The following RPRD1B variants were observed in gnomAD, a reference collection of about 807,000 sequenced individuals.
The protein encoded by RPRD1B is regulation of nuclear pre-mRNA domain-containing protein 1B.
RPRD1B carries 11 observed loss-of-function variants against 41.5 expected under a neutral mutation model. That is an observed-to-expected ratio of 0.27 (90% CI 0.17 to 0.44). The LOEUF is 0.44. RPRD1B is among the 20% of genes least tolerant of loss of function. RPRD1B has a pLI of 1.00. For missense variants in RPRD1B, 248 were observed against 389.9 expected, an observed-to-expected ratio of 0.64 and a Z score of 3.06; for synonymous variants, 158 against 155.6, an observed-to-expected ratio of 1.02 and a Z score of -0.12.
Position 38,080,986 on chromosome 20 carries a change from T to C in RPRD1B, c.832-8740T>C, listed in dbSNP as rs920187163. ...TTGTTCTTTTTGCTTAGGATTGCTT[T>C]GGCTATTTGGGCTTTTTATTGGCTC... On this transcript the variant is annotated intron_variant, in intron 6 of 6. Coordinates refer to ENST00000373433, the MANE Select transcript of RPRD1B (RefSeq NM_021215.4). 2.0e-5 allele frequency among the ~76,000 whole-genome samples: 3 copies of C among 152,254 alleles called. No individual in the cohort carries two copies. The South Asian group carries it at 6.2e-4, about 32-fold the overall frequency.
At chr20:38,078,227 G>A (rs2074482737) in intron 6 of RPRD1B, among the ~76,000 whole-genome samples, 1 of 150,728 alleles carries the variant, frequency 6.6e-6, no homozygotes, top group South Asian at 2.1e-4. Flanking sequence ...TGTGCCCTAT[G>A]ACTTGGCCCC....
chr20:38,042,264 G>A (rs1380972526), intron 2 of RPRD1B, among the ~76,000 whole-genome samples: 1 of 152,068 alleles, frequency 6.6e-6, no homozygotes, highest in East Asian at 1.9e-4. Context: ...TGAGGCAGGG[G>A]GATTGCTTGA....
At chr20:38,062,822 G>T (rs1040441517) in intron 5 of RPRD1B, among the ~76,000 whole-genome samples, 1 of 64,580 alleles carries the variant, frequency 1.5e-5, no homozygotes, top group Non-Finnish European at 2.9e-5. Context: ...CAAATTAAAA[G>T]CCAGAGCCCC....
intron 3 of RPRD1B, chr20:38,049,753 A>T (rs1328954500): frequency 2.1e-6 from 1 of 471,056 alleles, no homozygotes; most frequent in East Asian, 6.9e-5. Context: ...TTGGCATGAC[A>T]TGTTTCTTAG....
At chr20:38,069,889 C>A (rs12626173) in intron 6 of RPRD1B, among the ~76,000 whole-genome samples, 1 of 152,098 alleles carries the variant, frequency 6.6e-6, no homozygotes, top group African/African-American at 2.4e-5. Context: ...GCAGGTCTCC[C>A]AAAGTTTGCT....
rs1484944521 is a variant in RPRD1B at position 38,057,657 on chromosome 20, C to T, written c.528+13C>T. On this transcript the variant is annotated intron_variant, in intron 4 of 6. Transcript: ENST00000373433. ...AGGACCCCTCTTGGTAGGTCTTGAC[C>T]CCCAGAGAGTAGGGAACAGTGGCTT... The T allele has an allele frequency of 4.5e-6, 7 of 1,572,530 alleles. No individual in the cohort carries two copies. Among genetic ancestry groups the T allele is most frequent in the Non-Finnish European group, 5.3e-6 (6 of 1,142,302 alleles).
chr20:38,039,408 T>C (rs1388373251), intron 1 of RPRD1B, among the ~76,000 whole-genome samples: 1 of 136,352 alleles, frequency 7.3e-6, no homozygotes. Context: ...ACAAGAAACC[T>C]TTTTTTTTTT....
chr20:38,041,943 T>C (rs1453232329), intron 2 of RPRD1B, among the ~76,000 whole-genome samples: 2 of 152,216 alleles, frequency 1.3e-5, no homozygotes, highest in African/African-American at 4.8e-5. Context: ...GTTATGTAGC[T>C]TGAAGGAATA....
chr20:38,055,220 A>G (rs2074226753), intron 3 of RPRD1B, among the ~76,000 whole-genome samples: 1 of 152,266 alleles, frequency 6.6e-6, no homozygotes, highest in African/African-American at 2.4e-5. Context: ...TGCTGTAACA[A>G]CAAATTAGAA....
At chr20:38,059,198 A>T (rs535025502) in intron 4 of RPRD1B, among the ~76,000 whole-genome samples, 196 bp from the exon 5 acceptor site, 5 of 152,356 alleles carry the variant, frequency 3.3e-5, no homozygotes, top group African/African-American at 1.2e-4. Flanking sequence ...ATGGACTTAG[A>T]TAAACTAATT....
chr20:38,087,300 T>C (rs2074571086), intron 6 of RPRD1B, among the ~76,000 whole-genome samples: 1 of 152,194 alleles, frequency 6.6e-6, no homozygotes, highest in African/African-American at 2.4e-5. Flanking sequence ...AGAGAGTTAG[T>C]TGAACTTAAG....
chr20:38,045,322 G>A (rs995697212), intron 2 of RPRD1B, among the ~76,000 whole-genome samples: 3 of 152,198 alleles, frequency 2.0e-5, no homozygotes, highest in Non-Finnish European at 4.4e-5. Flanking sequence ...GTTATAAAAC[G>A]GCTTTATTAC....
intron 3 of RPRD1B, among the ~76,000 whole-genome samples, chr20:38,049,367 C>CTTTTTT (rs11481142): frequency 4.3e-4 from 40 of 93,424 alleles, no homozygotes; most frequent in Non-Finnish European, 4.6e-4. Context: ...TTCTTTTTTT[C>CTTTTTT]TTTTTTTTTT....
At chr20:38,084,652 A>T (rs970899799) in intron 6 of RPRD1B, among the ~76,000 whole-genome samples, 1 of 152,148 alleles carries the variant, frequency 6.6e-6, no homozygotes, top group African/African-American at 2.4e-5. Flanking sequence ...CTCTTCAGCA[A>T]ATTGTCTGGG....
At chr20:38,050,815 C>G (rs1191384823) in intron 3 of RPRD1B, among the ~76,000 whole-genome samples, 1 of 152,152 alleles carries the variant, frequency 6.6e-6, no homozygotes, top group Non-Finnish European at 1.5e-5. Context: ...GATAATTTCT[C>G]TTTCTCTATT....
Position 38,091,377 on chromosome 20 carries a change from C to A in RPRD1B, c.*1502C>A. On this transcript the variant is annotated 3_prime_UTR_variant, in exon 7 of 7. Coordinates refer to ENST00000373433, the MANE Select transcript of RPRD1B (RefSeq NM_021215.4). ...ACGGGCTTCCCTTCCAGAAGCTCTC[C>A]TGCTTGTCATGAAGTGAGAACAATG... 1 of 985,434 alleles carries A rather than the reference C, an allele frequency of 1.0e-6. No individual in the cohort carries two copies. The highest frequency in any genetic ancestry group is 1.2e-6 in the Non-Finnish European group (1 of 829,888). 61.0% of individuals were successfully genotyped at this position (985,434 alleles called of 1,614,324 possible). A position where few individuals can be genotyped will look rare whatever the true frequency, so the allele number is the denominator to read the frequency against.
At chr20:38,086,967 A>AT (rs1600446425) in intron 6 of RPRD1B, among the ~76,000 whole-genome samples, 2 of 149,992 alleles carry the variant, frequency 1.3e-5, no homozygotes, top group Admixed American at 1.3e-4. Flanking sequence ...TTTTTTGTTT[A>AT]TTTTTTTGAC....
At chr20:38,081,751 C>CT (rs1315475019) in intron 6 of RPRD1B, among the ~76,000 whole-genome samples, 18 of 152,262 alleles carry the variant, frequency 1.2e-4, no homozygotes, top group African/African-American at 4.3e-4. Context: ...GTTGAGGACT[C>CT]TTAACATGAA....
At chr20:38,039,351 T>G (rs1331943137) in intron 1 of RPRD1B, among the ~76,000 whole-genome samples, 2 of 152,202 alleles carry the variant, frequency 1.3e-5, no homozygotes, top group African/African-American at 2.4e-5. Flanking sequence ...TATTATTGAT[T>G]ATGGTTATTG....
Sources: allele counts gnomAD v4.1 joint callset (sites outside exome capture counted in the v4.1 genomes callset), GRCh38; gene constraint gnomAD v4.1.1; transcripts MANE v1.5; gene names NCBI Gene and HGNC (gene_info 2026-07-23, HGNC 2026-07-21).